Variants in CORIN observed in about 807,000 individuals in gnomAD.
CORIN encodes the protein atrial natriuretic peptide-converting enzyme.
CORIN carries 117 observed loss-of-function variants against 125.3 expected under a neutral mutation model. The observed-to-expected ratio is 0.93, with a 90% CI of 0.80 to 1.09. The LOEUF is 1.09. Ranked by LOEUF, CORIN falls within the 50% of genes least tolerant of loss-of-function variation. The probability of loss-of-function intolerance (pLI) is 0.00; values close to 1 mark genes in which losing one functional copy is unlikely to be tolerated. For synonymous variants in CORIN, 450 were observed against 466.4 expected (o/e 0.96, Z 0.45); for missense variants, 1,253 against 1,306.7 (o/e 0.96, Z 0.63).
intron 3 of CORIN, among the ~76,000 whole-genome samples, chr4:47,774,355 G>A (rs1730193797): frequency 6.6e-6 from 1 of 152,180 alleles, no homozygotes; most frequent in African/African-American, 2.4e-5. Flanking sequence ...ACTCCCGGGT[G>A]TGAAAGTATG....
rs577981802 is a variant in CORIN, at chr4:47,753,791, G to A, written c.618-9208C>T. Among the ~76,000 whole-genome samples the A allele has an allele frequency of 4.6e-5, 7 of 152,068 alleles. No individual in the cohort carries two copies. The East Asian group carries it at 1.2e-3, about 25-fold the overall frequency. On this transcript the variant is annotated intron_variant, in intron 4 of 21. Coordinates refer to ENST00000273857, the MANE Select transcript of CORIN (RefSeq NM_006587.4). ...CTGATTTCATATTGTTCAAACACAC[G>A]TTTTACAATCAATTTGTACAATAGT...
At chr4:47,605,453 A>C (rs932739356) in intron 19 of CORIN, among the ~76,000 whole-genome samples, 1 of 151,512 alleles carries the variant, frequency 6.6e-6, no homozygotes, top group African/African-American at 2.4e-5. Flanking sequence ...CCCTTCCTTC[A>C]CTCCCAGTCT....
chr4:47,798,185 C>T (rs1267564787), intron 2 of CORIN, among the ~76,000 whole-genome samples: 6 of 152,104 alleles, frequency 3.9e-5, no homozygotes, highest in Admixed American at 3.9e-4. Flanking sequence ...TCTTCTATAG[C>T]CTGCTGCTAA....
chr4:47,713,855 C>T (rs1315260100), intron 5 of CORIN, among the ~76,000 whole-genome samples: 1 of 151,844 alleles, frequency 6.6e-6, no homozygotes, highest in Non-Finnish European at 1.5e-5. Context: ...TTTTTAATGG[C>T]ATAAATGAAC....
intron 5 of CORIN, among the ~76,000 whole-genome samples, chr4:47,705,313 G>C (rs543285143): frequency 2.0e-5 from 3 of 152,054 alleles, no homozygotes; most frequent in Non-Finnish European, 4.4e-5. Context: ...TATGGTTTAC[G>C]TCTTCATAAA....
intron 3 of CORIN, among the ~76,000 whole-genome samples, chr4:47,771,629 T>C (rs762989667): frequency 1.4e-4 from 22 of 152,196 alleles, no homozygotes; most frequent in Non-Finnish European, 2.8e-4. Flanking sequence ...GTGTGAATTG[T>C]TTCCCTCTAT....
intron 13 of CORIN, among the ~76,000 whole-genome samples, chr4:47,646,305 A>G (rs909386665): frequency 6.6e-6 from 1 of 152,214 alleles, no homozygotes; most frequent in African/African-American, 2.4e-5. Context: ...GGCTCCTTCT[A>G]TGCCAAACAA....
At chr4:47,645,676 G>T (rs1388107635) in intron 13 of CORIN, among the ~76,000 whole-genome samples, 1 of 152,044 alleles carries the variant, frequency 6.6e-6, no homozygotes, top group Non-Finnish European at 1.5e-5. Context: ...GATCACTTGA[G>T]CTCAGGAGTT....
At chr4:47,603,217 C>A (rs1293633416) in intron 20 of CORIN, among the ~76,000 whole-genome samples, 180 bp downstream of exon 20, 1 of 152,116 alleles carries the variant, frequency 6.6e-6, no homozygotes, top group African/African-American at 2.4e-5. Flanking sequence ...AGTACTTCTC[C>A]TTGCTGCTGC....
At chr4:47,685,449 CAGAAA>C (rs1381969411) in intron 6 of CORIN, among the ~76,000 whole-genome samples, 16 of 152,008 alleles carry the variant, frequency 1.1e-4, no homozygotes, top group Non-Finnish European at 1.5e-5. Context: ...ATGGAATTCC[CAGAAA>C]AAACAAATTT....
chr4:47,802,664 A>G (rs1731597421), intron 2 of CORIN, among the ~76,000 whole-genome samples: 1 of 152,188 alleles, frequency 6.6e-6, no homozygotes, highest in African/African-American at 2.4e-5. Flanking sequence ...GCATCTCTGG[A>G]CCCACCTGAG....
At chr4:47,731,756 C>T (rs1163188875) in intron 5 of CORIN, among the ~76,000 whole-genome samples, 1 of 151,942 alleles carries the variant, frequency 6.6e-6, no homozygotes, top group African/African-American at 2.4e-5. Context: ...GTAGTCTCAG[C>T]TACTTGGGAG....
intron 19 of CORIN, among the ~76,000 whole-genome samples, chr4:47,609,759 C>A (rs1018783064): frequency 2.6e-5 from 4 of 152,200 alleles, no homozygotes; most frequent in Non-Finnish European, 4.4e-5. Context: ...TCCTCACCCA[C>A]CCCTACCCCC....
chr4:47,613,904 C>T (rs1045106020), intron 19 of CORIN, among the ~76,000 whole-genome samples: 14 of 151,248 alleles, frequency 9.3e-5, no homozygotes, highest in Non-Finnish European at 1.5e-4. Flanking sequence ...CACATGTACA[C>T]GTACGTAACT....
intron 1 of CORIN, among the ~76,000 whole-genome samples, chr4:47,808,046 T>A (rs769577238): frequency 1.3e-5 from 2 of 152,200 alleles, no homozygotes; most frequent in Non-Finnish European, 2.9e-5. Context: ...ATATTTCCAA[T>A]GCCTGGTGGG....
At chr4:47,760,724 A>T (rs746943448) in intron 4 of CORIN, among the ~76,000 whole-genome samples, 2 of 152,196 alleles carry the variant, frequency 1.3e-5, no homozygotes, top group East Asian at 1.9e-4. Flanking sequence ...TCTCTTCTCT[A>T]GCTAGCAAAG....
intron 5 of CORIN, among the ~76,000 whole-genome samples, chr4:47,697,613 C>T (rs1014177682): frequency 2.6e-5 from 4 of 151,862 alleles, no homozygotes; most frequent in Non-Finnish European, 4.4e-5. Flanking sequence ...ACCCAGGAGG[C>T]GAGGCAAGAG....
At chr4:47,621,312 T>C (rs945117524) in intron 19 of CORIN, among the ~76,000 whole-genome samples, 6 of 152,120 alleles carry the variant, frequency 3.9e-5, no homozygotes, top group Non-Finnish European at 5.9e-5. Flanking sequence ...CCAGCCACCA[T>C]GAAGTGAGTC....
chr4:47,671,439 C>G (rs1724753186), intron 10 of CORIN, among the ~76,000 whole-genome samples: 1 of 152,204 alleles, frequency 6.6e-6, no homozygotes, highest in African/African-American at 2.4e-5. Flanking sequence ...ACCATATTTT[C>G]AAATGTATGA....
Sources: allele counts gnomAD v4.1 joint callset (sites outside exome capture counted in the v4.1 genomes callset), GRCh38; gene constraint gnomAD v4.1.1; transcripts MANE v1.5; gene names NCBI Gene and HGNC (gene_info 2026-07-23, HGNC 2026-07-21).